The following DMD variants were observed in gnomAD, a reference collection of about 807,000 sequenced individuals.
DMD encodes the protein dystrophin.
DMD carries 63 observed loss-of-function variants against 330.1 expected under a neutral mutation model. That is an observed-to-expected ratio of 0.19 (90% confidence interval 0.16 to 0.24). The LOEUF (loss-of-function observed/expected upper bound fraction) is 0.24. Ranked by LOEUF, DMD falls within the 10% of genes least tolerant of loss-of-function variation. DMD has a pLI of 1.00. For synonymous variants in DMD, 1,223 were observed against 959.8 expected, an observed-to-expected ratio of 1.27 and a Z score of -5.07; for missense variants, 3,344 against 2,684.1, an observed-to-expected ratio of 1.25 and a Z score of -5.43.
intron 41 of DMD, among the ~76,000 whole-genome samples, chrX:32,312,942 C>CAAAAA (rs767993498): frequency 0.077 from 1,565 of 20,328 alleles, 276 homozygotes; most frequent in Non-Finnish European, 0.091. Context: ...GCCTACGAAC[C>CAAAAA]AAAAAAAAAA....
intron 44 of DMD, among the ~76,000 whole-genome samples, chrX:32,005,141 T>C (rs1223695089): frequency 8.9e-6 from 1 of 111,934 alleles, no homozygotes; most frequent in Non-Finnish European, 1.9e-5. Context: ...TGTCATTCTG[T>C]AAAGAGAAGA....
Position 31,410,944 on chromosome X carries a change from T to TC in DMD, c.9084+33536dup, listed in dbSNP as rs1556625238. Among the ~76,000 whole-genome samples the TC allele has an allele frequency of 2.1e-3, 206 of 98,205 alleles. 2 individuals carry two copies. The highest frequency in any genetic ancestry group is 7.7e-3 in the African/African-American group (197 of 25,635). The allele number at this position is 98,205 out of a possible 115,157, so 85.3% of individuals were successfully genotyped here. A position where few individuals can be genotyped will look rare whatever the true frequency, so the allele number is the denominator to read the frequency against. On this transcript the variant is annotated intron_variant, in intron 60 of 78. Coordinates refer to ENST00000357033, the MANE Select transcript of DMD (RefSeq NM_004006.3). ...GTGTTTTTTTTTTTTTTTTTTTTTT[T>TC]CAGTAGAGACAGGGTGTCACCATGT...
intron 49 of DMD, among the ~76,000 whole-genome samples, chrX:31,833,281 AGAGAGAGAGAGGGAGAGAGG>A (rs1288113686): frequency 9.0e-5 from 4 of 44,302 alleles, no homozygotes; most frequent in African/African-American, 3.6e-4. Context: ...GGGGAGAGAG[AGAGAGAGAGAGGGAGAGAGG>A]GAGAGAGGGA....
chrX:32,803,819 G>T (rs2076760538), intron 7 of DMD, among the ~76,000 whole-genome samples: 1 of 111,909 alleles, frequency 8.9e-6, no homozygotes, highest in Non-Finnish European at 1.9e-5. Flanking sequence ...TGTGATCTGA[G>T]AGGCTGTTAT....
chrX:32,428,815 C>A (rs2148096510), intron 29 of DMD, among the ~76,000 whole-genome samples: 1 of 111,354 alleles, frequency 9.0e-6, no homozygotes, highest in South Asian at 3.8e-4. Context: ...TTTCACCATG[C>A]TGCCCAGATT....
intron 44 of DMD, among the ~76,000 whole-genome samples, chrX:32,184,820 G>A (rs2096939708): frequency 1.0e-5 from 1 of 96,137 alleles, no homozygotes; most frequent in Admixed American, 1.2e-4. Context: ...CTGAGGTCTT[G>A]ACTACAGATG....
chrX:32,097,505 G>A, intron 44 of DMD, among the ~76,000 whole-genome samples: 1 of 111,344 alleles, frequency 9.0e-6, no homozygotes. Flanking sequence ...CATCACTGAT[G>A]GGCATTTGGG....
At position 31,261,349 on chromosome X, in the gene DMD, A is replaced by C. The variant is rs2050494969; in HGVS notation, c.9225-333T>G. On this transcript the variant is annotated intron_variant, in intron 62 of 78. Coordinates refer to ENST00000357033, the MANE Select transcript of DMD (RefSeq NM_004006.3). ...ATCGACTATCAGGACTTCTTCACCCATCCAATGTGGAACACTACAGAAAGG... is the reference window on the plus strand; with the variant it reads ...ATCGACTATCAGGACTTCTTCACCCCTCCAATGTGGAACACTACAGAAAGG... The C allele has an allele frequency of 1.2e-5, 3 of 243,236 alleles. No individual in the cohort carries two copies. The South Asian group carries it at 1.7e-4, about 14-fold the overall frequency. 20.0% of individuals were successfully genotyped at this position (243,236 alleles called of 1,213,427 possible).
intron 2 of DMD, among the ~76,000 whole-genome samples, chrX:32,963,233 G>T: frequency 8.9e-6 from 1 of 112,055 alleles, no homozygotes. Flanking sequence ...CACAAAAATT[G>T]GAAGGAGGTA....
At chrX:32,265,707 T>A (rs2097341693) in intron 43 of DMD, among the ~76,000 whole-genome samples, 1 of 112,503 alleles carries the variant, frequency 8.9e-6, no homozygotes, top group South Asian at 3.6e-4. Context: ...TCAAAGGAGA[T>A]TATCTTGGAG....
chrX:32,406,110 G>C (rs1215450523), intron 30 of DMD, among the ~76,000 whole-genome samples: 1 of 111,868 alleles, frequency 8.9e-6, no homozygotes. Flanking sequence ...TTTGCATGCT[G>C]AGACTTTGCT....
intron 42 of DMD, among the ~76,000 whole-genome samples, chrX:32,303,199 T>C (rs1347404461): frequency 4.5e-5 from 5 of 111,508 alleles, no homozygotes; most frequent in Admixed American, 2.9e-4. Flanking sequence ...GGATACAATA[T>C]AAAAAGAAGT....
At chrX:31,780,974 C>T (rs562343460) in intron 50 of DMD, among the ~76,000 whole-genome samples, 3 of 111,731 alleles carry the variant, frequency 2.7e-5, no homozygotes, top group African/African-American at 6.5e-5. Flanking sequence ...AGTTTGGGAG[C>T]TATGGATTTT....
intron 33 of DMD, among the ~76,000 whole-genome samples, chrX:32,382,784 A>C (rs1294786885): frequency 9.1e-6 from 1 of 110,447 alleles, no homozygotes; most frequent in Non-Finnish European, 1.9e-5. Context: ...ATTTCAAAGA[A>C]ATTCTATCTT....
At chrX:31,922,525 T>TGTGTGTGTGTGTGCGCGCGC (rs773093542) in intron 47 of DMD, among the ~76,000 whole-genome samples, 1 of 106,361 alleles carries the variant, frequency 9.4e-6, no homozygotes, top group African/African-American at 3.4e-5. Context: ...TGTGTGTGTG[T>TGTGTGTGTGTGTGCGCGCGC]GCGCGCGCGT....
At chrX:32,577,513 A>G (rs1366197142) in intron 13 of DMD, among the ~76,000 whole-genome samples, 1 of 112,532 alleles carries the variant, frequency 8.9e-6, no homozygotes, top group Non-Finnish European at 1.9e-5. Context: ...ATGGGAAAGT[A>G]TTATTAATTT....
intron 62 of DMD, among the ~76,000 whole-genome samples, chrX:31,293,670 C>A (rs1018943216): frequency 2.7e-5 from 3 of 111,863 alleles, no homozygotes; most frequent in Admixed American, 9.5e-5. Flanking sequence ...TAAGAAATCT[C>A]CCCATACTTG....
intron 44 of DMD, among the ~76,000 whole-genome samples, chrX:32,190,098 G>C (rs1391939469): frequency 9.0e-6 from 1 of 110,648 alleles, no homozygotes; most frequent in Non-Finnish European, 1.9e-5. Context: ...GGACAAATTT[G>C]TGATTAAAGA....
chrX:32,697,992 C>T lies in DMD; in HGVS notation c.838G>A (p.Val280Ile). 1 of 1,189,673 alleles carries T rather than the reference C, an allele frequency of 8.4e-7. No individual in the cohort carries two copies. Among genetic ancestry groups the T allele is most frequent in the Middle Eastern group, 2.3e-4 (1 of 4,315 alleles). Residue 280 changes from valine to isoleucine, a missense_variant, in exon 9 of 79, where the codon GTC becomes ATC. Coordinates refer to ENST00000357033, the MANE Select transcript of DMD (RefSeq NM_004006.3). ...HQMHYSQQIT[V>I]SLAQGYERTS... ...CTCTCATATCCCTGTGCTAGACTGA[C>T]CGTGATCTGCAGAGAAGGGTTTGGG... is the stretch of plus-strand genomic sequence containing the variant.
Sources: gnomAD v4.1 joint callset for allele counts (sites outside exome capture counted in the v4.1 genomes callset) on GRCh38, gnomAD v4.1.1 for gene constraint, MANE v1.5 for transcripts, NCBI Gene and HGNC (gene_info 2026-07-23, HGNC 2026-07-21) for gene names.